SYNC: variants seen among roughly 807,000 people sequenced by gnomAD.
SYNC encodes syncoilin.
SYNC carries 38 observed loss-of-function variants against 49.5 expected under a neutral mutation model. That is an observed-to-expected ratio of 0.77 (90% CI 0.59 to 1.01). The LOEUF is 1.01. Among genes scored for constraint, SYNC ranks in the 50% least tolerant of loss-of-function variants. The pLI, the probability that SYNC is intolerant of heterozygous loss-of-function variation, is 0.00. For missense variants in SYNC, 579 were observed against 580.6 expected (o/e 1.00, Z 0.03); for synonymous variants, 201 against 230.8 (o/e 0.87, Z 1.17).
chr1:32,700,522 T>C (rs900622895), intron 1 of SYNC, among the ~76,000 whole-genome samples: 2 of 152,018 alleles, frequency 1.3e-5, no homozygotes, highest in Non-Finnish European at 2.9e-5. Flanking sequence ...ATGGTGAAAC[T>C]CCGTCTCTAC....
rs1279046616 is a variant in SYNC, at chr1:32,695,284, C to T, written c.814G>A (p.Asp272Asn). 2 of 1,551,682 alleles carry T rather than the reference C, an allele frequency of 1.3e-6. No homozygotes were observed. The highest frequency in any genetic ancestry group is 2.4e-5 in the South Asian group (2 of 84,090). The change falls in exon 2 of 5, where the codon GAT becomes AAT. Residue 272 changes from aspartate to asparagine, a missense_variant. By Grantham distance (23) the Asp-to-Asn change is conservative (BLOSUM62 1). Transcript: ENST00000409190. Reference protein sequence around the residue: ...CRQQDVAQFADFREVLTTRAT... With the variant: ...CRQQDVAQFANFREVLTTRAT... ...CTTGTAGTCAGCACTTCCCGGAAAT[C>T]GGCAAACTGAGCCACGTCCTGCTGG...
At chr1:32,689,751 G>A (rs1650067931) in intron 2 of SYNC, among the ~76,000 whole-genome samples, 1 of 151,802 alleles carries the variant, frequency 6.6e-6, no homozygotes, top group Non-Finnish European at 1.5e-5. Flanking sequence ...AACCATCCTG[G>A]CCAACGTGGT....
At chr1:32,690,756 G>T (rs1402352616) in intron 2 of SYNC, among the ~76,000 whole-genome samples, 1 of 150,670 alleles carries the variant, frequency 6.6e-6, no homozygotes, top group Non-Finnish European at 1.5e-5. Flanking sequence ...TTCAAGACCA[G>T]CTGGCTAACA....
Position 32,680,781 on chromosome 1 carries a change from A to G in SYNC, c.*1069T>C. 2.1e-6 allele frequency: 1 copy of G among 484,814 alleles called. No individual in the cohort carries two copies. Among genetic ancestry groups the G allele is most frequent in the Non-Finnish European group, 3.7e-6 (1 of 269,802 alleles). The allele number at this position is 484,814 out of a possible 1,614,324, so 30.0% of individuals were successfully genotyped here. A position where few individuals can be genotyped will look rare whatever the true frequency, so the allele number is the denominator to read the frequency against. Reference sequence around the variant, plus strand: ...ACTATCAAGAGCAGAATTAAATGTAATAGTCCCAGAGCTGTAGAAAAGAAC... The same window carrying G: ...ACTATCAAGAGCAGAATTAAATGTAGTAGTCCCAGAGCTGTAGAAAAGAAC... On this transcript the variant is annotated 3_prime_UTR_variant, in exon 5 of 5. Coordinates refer to ENST00000409190, the MANE Select transcript of SYNC (RefSeq NM_030786.3).
At chr1:32,697,821 T>C (rs1361574676) in intron 1 of SYNC, among the ~76,000 whole-genome samples, 1 of 152,142 alleles carries the variant, frequency 6.6e-6, no homozygotes, top group Non-Finnish European at 1.5e-5. Flanking sequence ...GTCATATCCT[T>C]GTGACACAAA....
At chr1:32,697,627 C>T (rs1279643495) in intron 1 of SYNC, among the ~76,000 whole-genome samples, 1 of 151,302 alleles carries the variant, frequency 6.6e-6, no homozygotes, top group South Asian at 2.1e-4. Context: ...GTCCCAGATA[C>T]TTGGGAGGCT....
At chr1:32,684,442 A>G in intron 2 of SYNC, 60 bp from the exon 3 acceptor site, 9 of 1,607,284 alleles carry the variant, frequency 5.6e-6, no homozygotes, top group Non-Finnish European at 7.6e-6. Context: ...CACATTGTCC[A>G]CTCTTACTTA....
intron 2 of SYNC, among the ~76,000 whole-genome samples, chr1:32,689,934 C>T (rs1227307633): frequency 9.4e-5 from 8 of 84,920 alleles, no homozygotes; most frequent in Admixed American, 4.2e-4. Context: ...AGTGAGACAC[C>T]GTCACAAAAA....
chr1:32,681,230 T>TA lies in SYNC; in HGVS notation c.*619dup, dbSNP rs1649416774. On this transcript the variant is annotated 3_prime_UTR_variant, in exon 5 of 5. Transcript: ENST00000409190. ...GGAAAATCTGAATAGCGTTAACCATTAGATTCAAATCTCAAATGGTTTCTT... is the reference window on the plus strand; with the variant it reads ...GGAAAATCTGAATAGCGTTAACCATTAAGATTCAAATCTCAAATGGTTTCTT... The TA allele has an allele frequency of 2.6e-5, 4 of 152,616 alleles. No homozygotes were observed. The highest frequency in any genetic ancestry group is 1.9e-4 in the East Asian group (1 of 5,194). 9.5% of individuals were successfully genotyped at this position (152,616 alleles called of 1,614,324 possible).
At chr1:32,682,092 T>A in intron 4 of SYNC, 1 of 512,678 alleles carries the variant, frequency 2.0e-6, no homozygotes, top group Non-Finnish European at 3.5e-6. Context: ...ATAATTACAA[T>A]GCCTGAAATT....
At chr1:32,689,939 C>CAAAAAA (rs11320062) in intron 2 of SYNC, among the ~76,000 whole-genome samples, 3 of 100,634 alleles carry the variant, frequency 3.0e-5, no homozygotes, top group African/African-American at 3.6e-5. Context: ...GACACCGTCA[C>CAAAAAA]AAAAAAAAAA....
Position 32,681,822 on chromosome 1 carries a change from T to G in SYNC, c.*28A>C. 1.9e-6 allele frequency: 3 copies of G among 1,614,184 alleles called. No homozygotes were observed. Among genetic ancestry groups the G allele is most frequent in the Non-Finnish European group, 1.7e-6 (2 of 1,180,026 alleles). ...CTTTGCTAAGAAGTTTTTTGCTGTTTCCGGGTTACAGATTTGGCCATATAT... is the reference window on the plus strand; with the variant it reads ...CTTTGCTAAGAAGTTTTTTGCTGTTGCCGGGTTACAGATTTGGCCATATAT... On this transcript the variant is annotated 3_prime_UTR_variant, in exon 5 of 5. Transcript: ENST00000409190.
intron 2 of SYNC, among the ~76,000 whole-genome samples, chr1:32,688,219 G>A (rs1213023789): frequency 1.8e-4 from 27 of 152,018 alleles, no homozygotes; most frequent in African/African-American, 4.8e-5. Flanking sequence ...TTACATCCTC[G>A]CTCCATCACT....
intron 1 of SYNC, among the ~76,000 whole-genome samples, chr1:32,699,951 C>G (rs1485745660): frequency 3.3e-5 from 5 of 151,720 alleles, no homozygotes; most frequent in Non-Finnish European, 7.4e-5. Flanking sequence ...TCAGGCTGGT[C>G]TCGAACTCCT....
At chr1:32,701,578 C>T (rs546500989) in intron 1 of SYNC, among the ~76,000 whole-genome samples, 70 of 152,328 alleles carry the variant, frequency 4.6e-4, no homozygotes, top group Non-Finnish European at 9.6e-4. Context: ...TAGCACACAT[C>T]GTGCTGCCTC....
intron 2 of SYNC, among the ~76,000 whole-genome samples, chr1:32,694,125 G>T (rs364937): frequency 0.019 from 2,956 of 152,062 alleles, 99 homozygotes; most frequent in African/African-American, 0.067. Context: ...GCTGCTTGGG[G>T]GCTAAGGCAG....
intron 2 of SYNC, chr1:32,685,961 C>T (rs1570899426): frequency 1.3e-5 from 2 of 152,328 alleles, no homozygotes; most frequent in Non-Finnish European, 2.9e-5. Context: ...TTGACCCCTA[C>T]CTCCAACTTG....
chr1:32,683,912 C>A (rs1397997218), intron 4 of SYNC, 98 bp downstream of exon 4: 3 of 1,223,072 alleles, frequency 2.5e-6, no homozygotes, highest in Non-Finnish European at 2.4e-6. Flanking sequence ...GGATTACAGG[C>A]GTGAGCCACC....
chr1:32,681,708 A>C lies in SYNC; in HGVS notation c.*142T>G. The C allele has an allele frequency of 7.4e-7, 1 of 1,345,376 alleles. No individual in the cohort carries two copies. The highest frequency in any genetic ancestry group is 1.4e-5 in the African/African-American group (1 of 69,234). 83.3% of individuals were successfully genotyped at this position (1,345,376 alleles called of 1,614,324 possible). ...AATCTTTTTAAGCAGGTCAGCCAGT[A>C]TTTGCAACTTCCACAGGATGAATTG... is the stretch of plus-strand genomic sequence containing the variant. On this transcript the variant is annotated 3_prime_UTR_variant, in exon 5 of 5. Coordinates refer to ENST00000409190, the MANE Select transcript of SYNC (RefSeq NM_030786.3).
Sources: gnomAD v4.1 joint callset for allele counts (sites outside exome capture counted in the v4.1 genomes callset) on GRCh38, gnomAD v4.1.1 for gene constraint, MANE v1.5 for transcripts, NCBI Gene and HGNC (gene_info 2026-07-23, HGNC 2026-07-21) for gene names.